The following BEST2 variants were observed in gnomAD, a reference collection of about 807,000 sequenced individuals.
The protein encoded by BEST2 is bestrophin-2a.
Under a neutral mutation model 49.0 loss-of-function variants are expected in BEST2, and 36 were observed. The ratio of observed to expected loss-of-function variants is 0.73; its 90% CI spans 0.56 to 0.97. The LOEUF (loss-of-function observed/expected upper bound fraction) is 0.97, where lower values mean the gene tolerates loss of function less well. Ranked by LOEUF, BEST2 falls within the 50% of genes least tolerant of loss-of-function variation. The pLI is 0.00. For synonymous variants in BEST2, 335 were observed against 304.4 expected, an observed-to-expected ratio of 1.10 and a Z score of -1.05; for missense variants, 672 against 710.0, an observed-to-expected ratio of 0.95 and a Z score of 0.61.
intron 1 of BEST2, 90 bp downstream of exon 1, chr19:12,751,929 G>A (rs1459002514): frequency 6.8e-6 from 1 of 147,820 alleles, no homozygotes; most frequent in African/African-American, 2.7e-5. Flanking sequence ...TCCCGGGGCG[G>A]GGAGTGGAGG....
intron 8 of BEST2, 43 bp from the exon 9 acceptor site, chr19:12,756,098 G>T: frequency 6.2e-7 from 1 of 1,612,494 alleles, no homozygotes; most frequent in South Asian, 1.1e-5. Flanking sequence ...GGTCCCGGCG[G>T]GTTGCCCTGC....
rs1967923869 is a variant in BEST2 at position 12,755,082 on chromosome 19, C to T, written c.636+51C>T. ...TATAGAATACCAGGGAAATTGTACC[C>T]CTGGAGCTGTGTCAACGGCGGCCCT... On this transcript the variant is annotated intron_variant, in intron 5 of 9. Transcript: ENST00000553030. This position sits in a 1 kb window ranked among gnomAD's most constrained non-coding sequence, Gnocchi z 4.4. The T allele has an allele frequency of 1.3e-6, 2 of 1,547,610 alleles. No individual in the cohort carries two copies. The highest frequency in any genetic ancestry group is 1.7e-6 in the Non-Finnish European group (2 of 1,151,068).
chr19:12,752,170 G>A (rs1967876119), intron 1 of BEST2, among the ~76,000 whole-genome samples: 1 of 152,026 alleles, frequency 6.6e-6, no homozygotes, highest in Non-Finnish European at 1.5e-5. Context: ...GGGGCTGAGG[G>A]AGAGAATTTG....
Position 12,754,688 on chromosome 19 carries a change from C to G in BEST2, c.384C>G (p.Leu128=). The change falls in exon 4 of 10, where the codon CTC becomes CTG. Residue 128 remains leucine, a synonymous_variant. Coordinates refer to ENST00000553030, the MANE Select transcript of BEST2 (RefSeq NM_017682.3). The part of the protein sequence containing the change: ...DDRGRLYRRT[L]MRYAGLSAVL... ...GCGGCCGCCTCTACCGGCGCACACT[C>G]ATGCGCTACGCAGGGCTCTCGGCCG... is the stretch of plus-strand genomic sequence containing the variant. 2 of 1,582,416 alleles carry G rather than the reference C, an allele frequency of 1.3e-6. No individual in the cohort carries two copies. The highest frequency in any genetic ancestry group is 1.2e-5 in the South Asian group (1 of 86,938).
chr19:12,755,467 C>T lies in BEST2; in HGVS notation c.714+11C>T. ...CTCGTGTACACGCAGGTAACCCCAT[C>T]ATGCCTCTTTTTATATTCGGTGTCA... On this transcript the variant is annotated intron_variant, in intron 6 of 9. Coordinates refer to ENST00000553030, the MANE Select transcript of BEST2 (RefSeq NM_017682.3). This position sits in a 1 kb window ranked among gnomAD's most constrained non-coding sequence, Gnocchi z 4.4. The T allele has an allele frequency of 6.2e-7, 1 of 1,613,928 alleles. No homozygotes were observed. The highest frequency in any genetic ancestry group is 8.5e-7 in the Non-Finnish European group (1 of 1,179,828).
Position 12,758,309 on chromosome 19 carries a change from A to C in BEST2, c.*232A>C, listed in dbSNP as rs2145708482. On this transcript the variant is annotated 3_prime_UTR_variant, in exon 10 of 10. Transcript: ENST00000553030. Reference sequence around the variant, plus strand: ...TACTTCCCAACCCCCACTGCCTGAGAGGTCTCTATCAGTGTCCTGCCTGAA... The same window carrying C: ...TACTTCCCAACCCCCACTGCCTGAGCGGTCTCTATCAGTGTCCTGCCTGAA... The C allele has an allele frequency of 1.7e-6, 1 of 577,372 alleles. No homozygotes were observed. Among genetic ancestry groups the C allele is most frequent in the Admixed American group, 3.4e-5 (1 of 29,690 alleles). The allele number at this position is 577,372 out of a possible 1,614,324, so 35.8% of individuals were successfully genotyped here. A position where few individuals can be genotyped will look rare whatever the true frequency, so the allele number is the denominator to read the frequency against.
At chr19:12,756,082 C>A in intron 8 of BEST2, 59 bp from the exon 9 acceptor site, 2 of 1,609,674 alleles carry the variant, frequency 1.2e-6, no homozygotes, top group Non-Finnish European at 1.7e-6. Context: ...AAGGGGTCCA[C>A]CCTGTGGTCC....
intron 9 of BEST2, 90 bp from the exon 10 acceptor site, chr19:12,757,561 T>C: frequency 1.5e-6 from 2 of 1,369,164 alleles, no homozygotes; most frequent in Non-Finnish European, 2.0e-6. Context: ...GACAAAGCGG[T>C]GGGTGGAGTC....
Position 12,755,314 on chromosome 19 carries a change from C to T in BEST2, c.637-65C>T. ...GACCACCCACCTCCATCCCACGTAC[C>T]TACACTTAATATCCCTGTGTGAGCT... On this transcript the variant is annotated intron_variant, in intron 5 of 9. Coordinates refer to ENST00000553030, the MANE Select transcript of BEST2 (RefSeq NM_017682.3). This position sits in a 1 kb window ranked among gnomAD's most constrained non-coding sequence, Gnocchi z 4.4. The T allele has an allele frequency of 1.9e-6, 3 of 1,540,308 alleles. No individual in the cohort carries two copies. The highest frequency in any genetic ancestry group is 2.7e-6 in the Non-Finnish European group (3 of 1,113,282).
At position 12,755,106 on chromosome 19, in the gene BEST2, C is replaced by T; in HGVS notation, c.636+75C>T. 6.7e-7 allele frequency: 1 copy of T among 1,499,858 alleles called. No individual in the cohort carries two copies. Among genetic ancestry groups the T allele is most frequent in the Non-Finnish European group, 8.9e-7 (1 of 1,124,442 alleles). The allele number at this position is 1,499,858 out of a possible 1,614,324, so 92.9% of individuals were successfully genotyped here. On this transcript the variant is annotated intron_variant, in intron 5 of 9. Transcript: ENST00000553030. This position sits in a 1 kb window ranked among gnomAD's most constrained non-coding sequence, Gnocchi z 4.4. ...CCCTGGAGCTGTGTCAACGGCGGCC[C>T]TCCAAGCACCCCCACGAGGCCGATT...
At position 12,752,330 on chromosome 19, in the gene BEST2, C is replaced by T. The variant is rs1023371114; in HGVS notation, c.-51-212C>T. Among the ~76,000 whole-genome samples, 9 of 151,140 alleles carry T rather than the reference C, an allele frequency of 6.0e-5. No homozygotes were observed. In the East Asian group the frequency reaches 1.4e-3, roughly 23 times the overall value. On this transcript the variant is annotated intron_variant, in intron 1 of 9. Transcript: ENST00000553030. ...ACTCAAGGGTCTTGGTGGTGGGGGA[C>T]GGCAGTTACCAGAGCCCACGGCCAG... is the stretch of plus-strand genomic sequence containing the variant.
chr19:12,755,843 C>A lies in BEST2; in HGVS notation c.868-12C>A, dbSNP rs1363414291. On this transcript the variant is annotated splice_polypyrimidine_tract_variant and intron_variant, in intron 7 of 9. Coordinates refer to ENST00000553030, the MANE Select transcript of BEST2 (RefSeq NM_017682.3). This position sits in a 1 kb window ranked among gnomAD's most constrained non-coding sequence, Gnocchi z 4.4. ...TCCCAAGTTTCCACCTAACTGCTCC[C>A]TCTCCTCTCAGGTAGCTGAGCAGCT... 1.4e-5 allele frequency: 22 copies of A among 1,613,998 alleles called. No homozygotes were observed. Among genetic ancestry groups the A allele is most frequent in the Non-Finnish European group, 1.6e-5 (19 of 1,179,976 alleles).
At chr19:12,752,782 G>A (rs1329338909) in intron 2 of BEST2, 38 bp downstream of exon 2, 13 of 1,556,276 alleles carry the variant, frequency 8.4e-6, no homozygotes, top group Admixed American at 3.6e-5. Flanking sequence ...CTAGCGGAGG[G>A]GGGGCAGCTA....
Position 12,755,685 on chromosome 19 carries a change from A to G in BEST2, c.785A>G (p.Gln262Arg). ...LIGRQFLDPA[Q>R]GYKDHDLDLC... ...GGTCGCCAGTTCCTGGACCCGGCTC[A>G]GGGTTACAAAGACCACGACCTAGAC... is the stretch of plus-strand genomic sequence containing the variant. The change falls in exon 7 of 10, where the codon CAG becomes CGG. Residue 262 changes from glutamine to arginine, a missense_variant. By Grantham distance (43) the Gln-to-Arg change is conservative. This residue lies in a region of BEST2 where 365 missense variants were observed against 390.9 expected (regional missense o/e 0.93). Transcript: ENST00000553030. This position sits in a 1 kb window ranked among gnomAD's most constrained non-coding sequence, Gnocchi z 4.4. 1 of 1,614,106 alleles carries G rather than the reference A, an allele frequency of 6.2e-7. No homozygotes were observed. The highest frequency in any genetic ancestry group is 1.1e-5 in the South Asian group (1 of 91,080).
chr19:12,754,783 C>G lies in BEST2; in HGVS notation c.479C>G (p.Ala160Gly), dbSNP rs1250178650. Reference sequence around the variant, plus strand: ...CCCACCATAGACCACGTGGTGGAGGCTGGTGAGTACTCGGCCAGAGGCAGG... The same window carrying G: ...CCCACCATAGACCACGTGGTGGAGGGTGGTGAGTACTCGGCCAGAGGCAGG... Reference protein sequence around the residue: ...RFPTIDHVVEAGFMTREERKK... With the variant: ...RFPTIDHVVEGGFMTREERKK... The change falls in exon 4 of 10, where the codon GCT (alanine) becomes GGT (glycine). Residue 160 changes from alanine to glycine, a missense_variant and splice_region_variant. Ala to Gly is a moderately conservative substitution (Grantham distance 60). This residue lies in a region of BEST2 where 365 missense variants were observed against 390.9 expected (regional missense o/e 0.93). Coordinates refer to ENST00000553030, the MANE Select transcript of BEST2 (RefSeq NM_017682.3). The G allele has an allele frequency of 3.2e-6, 5 of 1,579,454 alleles. No homozygotes were observed. Among genetic ancestry groups the G allele is most frequent in the Non-Finnish European group, 4.3e-6 (5 of 1,162,234 alleles).
In BEST2 at chr19:12,757,991, A is replaced by G. The variant is rs150419376; in HGVS notation, c.1444A>G (p.Ser482Gly). ...CATCCCTGGGCCTGTCGAGCCCTTC[A>G]GCATCGTGACCATGCCCGGGCCCCG... ...TLIPGPVEPF[S>G]IVTMPGPRGP... Residue 482 changes from serine to glycine, a missense_variant, in exon 10 of 10, where the codon AGC becomes GGC. Physicochemically the swap from Ser to Gly is moderately conservative, Grantham distance 56. Transcript: ENST00000553030. 2.5e-3 allele frequency: 4,093 copies of G among 1,612,248 alleles called. 9 individuals carry two copies. Among genetic ancestry groups the G allele is most frequent in the Non-Finnish European group, 3.2e-3 (3,757 of 1,179,720 alleles).
Position 12,757,627 on chromosome 19 carries a change from G to A in BEST2, c.1104-24G>A, listed in dbSNP as rs989403923. 5 of 1,526,264 alleles carry A rather than the reference G, an allele frequency of 3.3e-6. No individual in the cohort carries two copies. The African/African-American group carries it at 7.0e-5, about 21-fold the overall frequency. 94.5% of individuals were successfully genotyped at this position (1,526,264 alleles called of 1,614,324 possible). ...TGTCAACAAGAGGCGAGGCCGCAGC[G>A]CTGGCCCACTGTCGGTCCCGCAGGC... On this transcript the variant is annotated intron_variant, in intron 9 of 9. Transcript: ENST00000553030.
intron 3 of BEST2, 100 bp downstream of exon 3, chr19:12,753,454 C>T (rs1967897429): frequency 2.6e-6 from 3 of 1,174,730 alleles, no homozygotes; most frequent in Non-Finnish European, 3.8e-6. Flanking sequence ...CTGAGATCCC[C>T]CCCCTCAAAT....
At chr19:12,754,355 A>C (rs535486769) in intron 3 of BEST2, among the ~76,000 whole-genome samples, 197 bp from the exon 4 acceptor site, 2 of 151,896 alleles carry the variant, frequency 1.3e-5, no homozygotes, top group Admixed American at 6.6e-5. Flanking sequence ...TACAGGCGTG[A>C]GCCACCGCGC....
Sources: allele counts gnomAD v4.1 joint callset (sites outside exome capture counted in the v4.1 genomes callset), GRCh38; gene constraint gnomAD v4.1.1; regional missense constraint gnomAD v4.1.1; non-coding constraint Gnocchi (gnomAD v3.1); transcripts MANE v1.5; gene names NCBI Gene and HGNC (gene_info 2026-07-23, HGNC 2026-07-21).